RASAL2: variants seen among roughly 807,000 people sequenced by gnomAD.
RASAL2 encodes ras GTPase-activating protein nGAP.
A neutral mutation model predicts 128.9 loss-of-function variants in RASAL2; 58 were observed. The ratio of observed to expected loss-of-function variants is 0.45; its 90% CI spans 0.36 to 0.56. RASAL2 has a LOEUF of 0.56. Ranked by LOEUF, RASAL2 falls within the 20% of genes least tolerant of loss-of-function variation. RASAL2 has a pLI of 0.00. For missense variants in RASAL2, 1,360 were observed against 1,601.6 expected, an observed-to-expected ratio of 0.85 and a Z score of 2.57; for synonymous variants, 561 against 580.8, an observed-to-expected ratio of 0.97 and a Z score of 0.49.
chr1:178,194,399 G>T, intron 1 of RASAL2: 1 of 222,524 alleles, frequency 4.5e-6, no homozygotes. Context: ...GCATCTCTTA[G>T]CATGGATAGC....
At chr1:178,107,794 A>G (rs1659153314) in intron 1 of RASAL2, among the ~76,000 whole-genome samples, 1 of 152,148 alleles carries the variant, frequency 6.6e-6, no homozygotes, top group South Asian at 2.1e-4. Context: ...TAAAAATTTC[A>G]TTTTTTATGG....
chr1:178,379,445 AAG>A (rs932623384), intron 3 of RASAL2, among the ~76,000 whole-genome samples: 2 of 151,958 alleles, frequency 1.3e-5, no homozygotes, highest in Non-Finnish European at 2.9e-5. Context: ...AGGAAGAGAG[AAG>A]AGAGAGAGAA....
At chr1:178,300,529 T>C (rs10913531) in intron 3 of RASAL2, among the ~76,000 whole-genome samples, 6,028 of 152,266 alleles carry the variant, frequency 0.04, 376 homozygotes, top group African/African-American at 0.14. Flanking sequence ...TGTTGTCTTA[T>C]ATGATGTAAT....
intron 1 of RASAL2, among the ~76,000 whole-genome samples, chr1:178,145,167 A>G (rs1660680550): frequency 6.6e-6 from 1 of 152,172 alleles, no homozygotes; most frequent in East Asian, 1.9e-4. Flanking sequence ...GTTTTCTGTA[A>G]TACTTAAGTT....
chr1:178,241,114 TA>T (rs933309304), intron 1 of RASAL2, among the ~76,000 whole-genome samples: 1 of 152,038 alleles, frequency 6.6e-6, no homozygotes, highest in Non-Finnish European at 1.5e-5. Context: ...AATTTATGAA[TA>T]CACTTGAATA....
At chr1:178,370,836 A>G (rs555833323) in intron 3 of RASAL2, among the ~76,000 whole-genome samples, 1 of 152,310 alleles carries the variant, frequency 6.6e-6, no homozygotes, top group South Asian at 2.1e-4. Context: ...GATTAAAAAT[A>G]AATAAGACTG....
At chr1:178,235,524 G>A (rs1046016155) in intron 1 of RASAL2, among the ~76,000 whole-genome samples, 6 of 152,134 alleles carry the variant, frequency 3.9e-5, no homozygotes, top group Non-Finnish European at 8.8e-5. Flanking sequence ...CGAAAAAACA[G>A]TGCATAGTGT....
At chr1:178,385,405 C>T (rs1042446969) in intron 3 of RASAL2, among the ~76,000 whole-genome samples, 1 of 152,054 alleles carries the variant, frequency 6.6e-6, no homozygotes, top group Non-Finnish European at 1.5e-5. Flanking sequence ...CCACTGCACT[C>T]CAGCCTGGGC....
rs899243363 is a variant in RASAL2 at position 178,366,192 on chromosome 1, A to C, written c.458-23908A>C. Among the ~76,000 whole-genome samples, 3 of 152,316 alleles carry C rather than the reference A, an allele frequency of 2.0e-5. No individual in the cohort carries two copies. In the South Asian group the frequency reaches 6.2e-4, roughly 32 times the overall value. On this transcript the variant is annotated intron_variant, in intron 3 of 17. Transcript: ENST00000367649. ...ATAATGTCTCCAGCTTCCTCAAATG[A>C]GTCAGGAAAAATGCATATATATAAT...
chr1:178,274,485 G>A (rs959409300), intron 1 of RASAL2, among the ~76,000 whole-genome samples: 4 of 152,038 alleles, frequency 2.6e-5, no homozygotes, highest in African/African-American at 9.7e-5. Flanking sequence ...TTTTTCTGTC[G>A]GTAACAGAAA....
intron 3 of RASAL2, among the ~76,000 whole-genome samples, chr1:178,320,988 T>G (rs1048248237): frequency 2.6e-5 from 4 of 152,230 alleles, no homozygotes; most frequent in Non-Finnish European, 5.9e-5. Flanking sequence ...ATCAGCTGGT[T>G]TTTAGCAGAT....
chr1:178,214,623 A>G (rs1333641627), intron 1 of RASAL2, among the ~76,000 whole-genome samples: 3 of 151,344 alleles, frequency 2.0e-5, no homozygotes, highest in Non-Finnish European at 1.5e-5. Flanking sequence ...CAGTGGCGCA[A>G]TCTCGGCTCA....
chr1:178,425,944 T>A (rs1675486294), intron 5 of RASAL2, among the ~76,000 whole-genome samples: 1 of 152,136 alleles, frequency 6.6e-6, no homozygotes, highest in African/African-American at 2.4e-5. Flanking sequence ...GCTAGCAGTC[T>A]CTGCATAGGA....
At chr1:178,270,285 G>T (rs1391565194) in intron 1 of RASAL2, among the ~76,000 whole-genome samples, 1 of 151,856 alleles carries the variant, frequency 6.6e-6, no homozygotes, top group Non-Finnish European at 1.5e-5. Context: ...TTTCACAAAT[G>T]ATTTCCTCAT....
chr1:178,291,904 G>A (rs1280594491), intron 2 of RASAL2, among the ~76,000 whole-genome samples: 4 of 151,808 alleles, frequency 2.6e-5, no homozygotes, highest in South Asian at 2.1e-4. Context: ...ACATGGTGTC[G>A]GGTGCCTGTA....
At chr1:178,230,050 A>T (rs1558127382) in intron 1 of RASAL2, among the ~76,000 whole-genome samples, 1 of 152,146 alleles carries the variant, frequency 6.6e-6, no homozygotes, top group African/African-American at 2.4e-5. Flanking sequence ...TATAAATAGA[A>T]TCATACAGTG....
intron 5 of RASAL2, among the ~76,000 whole-genome samples, chr1:178,428,037 G>T (rs1675636702): frequency 6.7e-6 from 1 of 150,048 alleles, no homozygotes; most frequent in African/African-American, 2.4e-5. Flanking sequence ...AATTGGTTGA[G>T]ATTGGCTTTT....
At chr1:178,408,125 A>T (rs1288499201) in intron 4 of RASAL2, among the ~76,000 whole-genome samples, 2 of 152,146 alleles carry the variant, frequency 1.3e-5, no homozygotes, top group African/African-American at 2.4e-5. Flanking sequence ...TACCTTTTTT[A>T]AAAAAATAAT....
intron 4 of RASAL2, among the ~76,000 whole-genome samples, chr1:178,410,432 A>G (rs1007930171): frequency 2.0e-5 from 3 of 152,180 alleles, no homozygotes; most frequent in Non-Finnish European, 4.4e-5. Context: ...AGAAGATAAC[A>G]TCGGAAAAAC....
Sources: allele counts gnomAD v4.1 joint callset (sites outside exome capture counted in the v4.1 genomes callset), GRCh38; gene constraint gnomAD v4.1.1; transcripts MANE v1.5; gene names NCBI Gene and HGNC (gene_info 2026-07-23, HGNC 2026-07-21).